Variants in SASH1 observed in about 807,000 individuals in gnomAD.
SASH1 encodes the protein SAM and SH3 domain-containing protein 1.
In SASH1, 44 loss-of-function variants were observed where a neutral mutation model predicts 125.2. The observed-to-expected ratio is 0.35, with a 90% CI of 0.28 to 0.45. SASH1 has a LOEUF of 0.45. Ranked by LOEUF, SASH1 falls within the 20% of genes least tolerant of loss-of-function variation. The pLI, the probability that SASH1 is intolerant of heterozygous loss-of-function variation, is 1.00. For synonymous variants in SASH1, 639 were observed against 649.1 expected, an observed-to-expected ratio of 0.98 and a Z score of 0.24; for missense variants, 1,426 against 1,614.5, an observed-to-expected ratio of 0.88 and a Z score of 2.00.
chr6:148,207,080 C>G, the SASH1 span, among the ~76,000 whole-genome samples: 5 of 152,146 alleles, frequency 3.3e-5, no homozygotes, highest in Admixed American at 6.6e-5. Context: ...CCTTCCCAAC[C>G]AAATTAAGCA....
intron 1 of SASH1, among the ~76,000 whole-genome samples, chr6:148,376,275 G>A (rs1782888124): frequency 6.6e-6 from 1 of 151,904 alleles, no homozygotes; most frequent in African/African-American, 2.4e-5. Context: ...CACCATGTTG[G>A]CCAGGCTGGT....
the SASH1 span, among the ~76,000 whole-genome samples, chr6:148,211,434 G>A: frequency 1.3e-4 from 19 of 149,790 alleles, no homozygotes; most frequent in African/African-American, 4.8e-4. Context: ...ATCCAGGTGT[G>A]GTGGCACGTG....
intron 1 of SASH1, among the ~76,000 whole-genome samples, chr6:148,307,451 G>A (rs1372163657): frequency 6.6e-6 from 1 of 152,010 alleles, no homozygotes; most frequent in Admixed American, 6.6e-5. Flanking sequence ...GAGGAAGCTG[G>A]GAGCCCTACC....
the SASH1 span, among the ~76,000 whole-genome samples, chr6:148,214,013 T>C: frequency 6.6e-6 from 1 of 152,214 alleles, no homozygotes; most frequent in Non-Finnish European, 1.5e-5. Context: ...AAGAATTGTG[T>C]TCGCCATTAG....
chr6:148,240,213 C>T, the SASH1 span, among the ~76,000 whole-genome samples: 1 of 151,016 alleles, frequency 6.6e-6, no homozygotes, highest in Admixed American at 6.6e-5. Flanking sequence ...AAAGGAAACA[C>T]TCAAATGCTC....
chr6:148,228,699 G>T, the SASH1 span, among the ~76,000 whole-genome samples: 45,430 of 152,070 alleles, frequency 0.3, 7,439 homozygotes, highest in East Asian at 0.39. Flanking sequence ...CCACCAGCAT[G>T]TGACTTTAGC....
chr6:148,373,538 C>G (rs1562360486), intron 1 of SASH1, among the ~76,000 whole-genome samples: 1 of 152,042 alleles, frequency 6.6e-6, no homozygotes, highest in Admixed American at 6.5e-5. Context: ...GAAACAGGAG[C>G]CCGAGTAAGG....
At chr6:148,523,480 C>T (rs566722639) in intron 10 of SASH1, among the ~76,000 whole-genome samples, 2 of 152,172 alleles carry the variant, frequency 1.3e-5, no homozygotes, top group African/African-American at 2.4e-5. Context: ...GTTAAGCTGA[C>T]GATAAGAGAA....
intron 2 of SASH1, among the ~76,000 whole-genome samples, chr6:148,411,507 G>C (rs1247677308): frequency 6.6e-6 from 1 of 151,910 alleles, no homozygotes; most frequent in Non-Finnish European, 1.5e-5. Context: ...TTTAGTAATT[G>C]TCTCTGTAAA....
At position 148,514,457 on chromosome 6, in the gene SASH1, G is replaced by GAAA; in HGVS notation, c.862+1_862+2insAAA. On this transcript the variant is annotated splice_donor_variant, in intron 9 of 19. Coordinates refer to ENST00000367467, the MANE Select transcript of SASH1 (RefSeq NM_015278.5). LOFTEE classifies it high-confidence loss of function. ...GAAATGAAAAAACCCAGCACTGAAG[G>GAAA]TAAAAAAAAAAAAAAAAAAAAAAAA... is the stretch of plus-strand genomic sequence containing the variant. 1 of 213,842 alleles carries GAAA rather than the reference G, an allele frequency of 4.7e-6. No individual in the cohort carries two copies. Among genetic ancestry groups the GAAA allele is most frequent in the Non-Finnish European group, 6.3e-6 (1 of 158,182 alleles). 13.2% of individuals were successfully genotyped at this position (213,842 alleles called of 1,614,324 possible). A position where few individuals can be genotyped will look rare whatever the true frequency, so the allele number is the denominator to read the frequency against.
chr6:148,508,451 C>T (rs1779929313), intron 8 of SASH1: 2 of 998,284 alleles, frequency 2.0e-6, no homozygotes, highest in Non-Finnish European at 1.2e-6. Context: ...ATTCCATAGA[C>T]AGTAATTAAG....
At chr6:148,362,552 CT>C (rs201848415) in intron 1 of SASH1, among the ~76,000 whole-genome samples, 230 of 143,902 alleles carry the variant, frequency 1.6e-3, no homozygotes, top group Admixed American at 1.6e-3. Context: ...TATTATATGC[CT>C]TTTTTTTTTT....
intron 1 of SASH1, among the ~76,000 whole-genome samples, chr6:148,353,952 T>C (rs1173600352): frequency 1.3e-5 from 2 of 152,110 alleles, no homozygotes; most frequent in African/African-American, 4.8e-5. Context: ...GGAGAGTTGC[T>C]TGAGGCCAGG....
chr6:148,484,244 G>C (rs981674967), intron 7 of SASH1, among the ~76,000 whole-genome samples: 1 of 152,050 alleles, frequency 6.6e-6, no homozygotes, highest in African/African-American at 2.4e-5. Context: ...TTTAAAGATG[G>C]CCATCATTCT....
At chr6:148,244,908 GTGTGTGTGTGTGTGTGTGTGTGTA>G in the SASH1 span, among the ~76,000 whole-genome samples, 1 of 137,472 alleles carries the variant, frequency 7.3e-6, no homozygotes, top group Non-Finnish European at 1.6e-5. Context: ...TGGGGCATGT[GTGTGTGTGTGTGTGTGTGTGTGTA>G]TGTGTGTGTG....
Position 148,396,478 on chromosome 6 carries a change from GAAAAAAAAA to G in SASH1, c.285+6233_285+6241del, listed in dbSNP as rs61277112. Among the ~76,000 whole-genome samples the G allele has an allele frequency of 1.6e-4, 10 of 63,798 alleles. No homozygotes were observed. In the East Asian group the frequency reaches 2.6e-3, roughly 16 times the overall value. 41.9% of individuals were successfully genotyped at this position (63,798 alleles called of 152,430 possible). On this transcript the variant is annotated intron_variant, in intron 2 of 19. Transcript: ENST00000367467. ...GGTGCCAGAGTGAGACTGCATCTCA[GAAAAAAAAA>G]AAAAAAAAAAAAAAAAGAAAGAAAG...
intron 1 of SASH1, among the ~76,000 whole-genome samples, chr6:148,367,269 C>G (rs944831474): frequency 2.0e-5 from 3 of 152,126 alleles, no homozygotes; most frequent in African/African-American, 7.2e-5. Context: ...CAAAAGTAAT[C>G]GCGGTTTATA....
At chr6:148,513,272 T>C in intron 8 of SASH1, 2 of 985,346 alleles carry the variant, frequency 2.0e-6, no homozygotes, top group Non-Finnish European at 2.4e-6. Flanking sequence ...ATGAACTGGG[T>C]TGGAGGAAAT....
Position 148,525,338 on chromosome 6 carries a change from C to T in SASH1, c.1257C>T (p.His419=), listed in dbSNP as rs1322799342. ...GGFDLTNRSL[H]VGSNNSDPMG... is the part of the protein sequence containing the mutation. ...TTGACTTGACGAATCGCTCTCTGCA[C>T]GTTGGCAGTAATAATTCTGACCCAA... The change falls in exon 11 of 20, where the codon CAC becomes CAT. Residue 419 remains histidine (H), a synonymous_variant. Transcript: ENST00000367467. The T allele has an allele frequency of 9.3e-6, 15 of 1,613,892 alleles. No individual in the cohort carries two copies. Among genetic ancestry groups the T allele is most frequent in the South Asian group, 4.4e-5 (4 of 91,054 alleles).
Sources: allele counts gnomAD v4.1 joint callset (sites outside exome capture counted in the v4.1 genomes callset), GRCh38; gene constraint gnomAD v4.1.1; transcripts MANE v1.5; gene names NCBI Gene and HGNC (gene_info 2026-07-23, HGNC 2026-07-21).